The following BRINP2 variants were observed in gnomAD, a reference collection of about 807,000 sequenced individuals.
BRINP2 encodes the protein BMP/retinoic acid inducible neural specific 2, also known as BMP/retinoic acid-inducible neural-specific protein 2.
In BRINP2, 21 loss-of-function variants were observed where a neutral mutation model predicts 69.2. The observed-to-expected ratio is 0.30, with a 90% confidence interval of 0.22 to 0.44. The LOEUF (loss-of-function observed/expected upper bound fraction) is 0.44. Ranked by LOEUF, BRINP2 falls within the 20% of genes least tolerant of loss-of-function variation. The pLI, the probability that BRINP2 is intolerant of heterozygous loss-of-function variation, is 1.00. For missense variants in BRINP2, 877 were observed against 986.0 expected (o/e 0.89, Z 1.48); for synonymous variants, 380 against 394.1 (o/e 0.96, Z 0.42).
At chr1:177,280,163 G>A (rs1651643737) in intron 7 of BRINP2, among the ~76,000 whole-genome samples, 1 of 152,220 alleles carries the variant, frequency 6.6e-6, no homozygotes, top group South Asian at 2.1e-4. Flanking sequence ...TGGGAGAGAT[G>A]AGCCTTGTTG....
chr1:177,228,848 G>A (rs1232907020), intron 1 of BRINP2, among the ~76,000 whole-genome samples: 4 of 152,200 alleles, frequency 2.6e-5, no homozygotes, highest in Non-Finnish European at 5.9e-5. Context: ...GAGACCTGTG[G>A]TGAGTCACAA....
chr1:177,281,696 T>C lies in BRINP2; in HGVS notation c.*168T>C, dbSNP rs1275285483. ...CTGAAGCAGGCGAGAGAGAAACAGCTACTGCGTGCGTGCGCGCACGCATAC... is the reference window on the plus strand; with the variant it reads ...CTGAAGCAGGCGAGAGAGAAACAGCCACTGCGTGCGTGCGCGCACGCATAC... On this transcript the variant is annotated 3_prime_UTR_variant, in exon 8 of 8. Coordinates refer to ENST00000361539, the MANE Select transcript of BRINP2 (RefSeq NM_021165.4). 2 of 841,260 alleles carry C rather than the reference T, an allele frequency of 2.4e-6. No individual in the cohort carries two copies. The highest frequency in any genetic ancestry group is 3.6e-6 in the Non-Finnish European group (2 of 552,544). 52.1% of individuals were successfully genotyped at this position (841,260 alleles called of 1,614,324 possible). A position where few individuals can be genotyped will look rare whatever the true frequency, so the allele number is the denominator to read the frequency against.
chr1:177,238,604 G>T (rs926318), intron 2 of BRINP2, among the ~76,000 whole-genome samples: 5 of 151,880 alleles, frequency 3.3e-5, no homozygotes, highest in Admixed American at 2.6e-4. Context: ...TGTGAGCTGG[G>T]GTCTCAATCC....
rs1489744034 is a variant in BRINP2 at position 177,197,128 on chromosome 1, A to AG, written c.-77+25396_-77+25397insG. Among the ~76,000 whole-genome samples the AG allele has an allele frequency of 2.8e-4, 43 of 152,204 alleles. 1 individual carries two copies. Among genetic ancestry groups the AG allele is most frequent in the Admixed American group, 2.8e-3 (43 of 15,276 alleles). Reference sequence around the variant, plus strand: ...TATAAAGAAAAGAAGTTTAAAAAAAATTGGCTCACAGTTTTGCAGGCTGGA... The same window carrying AG: ...TATAAAGAAAAGAAGTTTAAAAAAAAGTTGGCTCACAGTTTTGCAGGCTGGA... On this transcript the variant is annotated intron_variant, in intron 1 of 7. Coordinates refer to ENST00000361539, the MANE Select transcript of BRINP2 (RefSeq NM_021165.4).
At chr1:177,216,307 A>G (rs1649374559) in intron 1 of BRINP2, among the ~76,000 whole-genome samples, 1 of 152,092 alleles carries the variant, frequency 6.6e-6, no homozygotes, top group African/African-American at 2.4e-5. Context: ...TGAGGCTTAC[A>G]TAGAACATGT....
intron 1 of BRINP2, among the ~76,000 whole-genome samples, chr1:177,228,033 G>A (rs1023670602): frequency 1.6e-4 from 24 of 152,108 alleles, no homozygotes; most frequent in African/African-American, 5.6e-4. Flanking sequence ...CTTTATCAAG[G>A]TCTGGTCATG....
At chr1:177,245,038 TGATTC>T (rs1213299321) in intron 2 of BRINP2, among the ~76,000 whole-genome samples, 1 of 152,124 alleles carries the variant, frequency 6.6e-6, no homozygotes, top group African/African-American at 2.4e-5. Flanking sequence ...GCGAGAATGA[TGATTC>T]AATCAACCAC....
In BRINP2 at chr1:177,221,778, C is replaced by T. The variant is rs186773557; in HGVS notation, c.-76-8023C>T. 9.2e-5 allele frequency among the ~76,000 whole-genome samples: 14 copies of T among 152,202 alleles called. No homozygotes were observed. In the East Asian group the frequency reaches 9.7e-4, roughly 10 times the overall value. ...ATCCCTTCTCCCCAGTTCCAGGACA[C>T]GATCAGGTGGAAATTAACCAGGGAA... On this transcript the variant is annotated intron_variant, in intron 1 of 7. Coordinates refer to ENST00000361539, the MANE Select transcript of BRINP2 (RefSeq NM_021165.4).
chr1:177,175,893 T>G (rs1648074337), intron 1 of BRINP2, among the ~76,000 whole-genome samples: 1 of 152,184 alleles, frequency 6.6e-6, no homozygotes, highest in Admixed American at 6.5e-5. Context: ...GTTTGGGGGC[T>G]GAGGTAGAGA....
Position 177,280,575 on chromosome 1 carries a change from G to T in BRINP2, c.1399G>T (p.Ala467Ser). Residue 467 changes from alanine to serine, a missense_variant, in exon 8 of 8, where the codon GCC (alanine) becomes TCC (serine). By Grantham distance (99) the Ala-to-Ser change is moderately conservative (BLOSUM62 1). This residue lies in a region of BRINP2 where 566 missense variants were observed against 625.2 expected (regional missense o/e 0.91). Transcript: ENST00000361539. ...PCALGEGPAC[A>S]HCAPDNSTRC... ...TGCCTTGGGCGAAGGGCCCGCGTGTGCCCACTGTGCTCCAGACAATAGCAC... is the reference window on the plus strand; with the variant it reads ...TGCCTTGGGCGAAGGGCCCGCGTGTTCCCACTGTGCTCCAGACAATAGCAC... 5 of 1,614,160 alleles carry T rather than the reference G, an allele frequency of 3.1e-6. No homozygotes were observed. The highest frequency in any genetic ancestry group is 4.2e-6 in the Non-Finnish European group (5 of 1,180,012).
Position 177,190,078 on chromosome 1 carries a change from G to A in BRINP2, c.-77+18346G>A, listed in dbSNP as rs545656751. Among the ~76,000 whole-genome samples, 129 of 152,214 alleles carry A rather than the reference G, an allele frequency of 8.5e-4. 1 individual carries two copies. Among genetic ancestry groups the A allele is most frequent in the Non-Finnish European group, 1.7e-3 (114 of 68,024 alleles). Reference sequence around the variant, plus strand: ...ATGGACAGGGCCTGATAAAATTCAAGCTTCCTCAGAATACCCTCATCTTTT... The same window carrying A: ...ATGGACAGGGCCTGATAAAATTCAAACTTCCTCAGAATACCCTCATCTTTT... On this transcript the variant is annotated intron_variant, in intron 1 of 7. Transcript: ENST00000361539.
intron 2 of BRINP2, among the ~76,000 whole-genome samples, chr1:177,232,839 T>C (rs577745198): frequency 4.6e-4 from 70 of 152,142 alleles, no homozygotes; most frequent in African/African-American, 1.7e-3. Flanking sequence ...ATACTGGGTC[T>C]CAAACAGAAT....
intron 1 of BRINP2, among the ~76,000 whole-genome samples, chr1:177,212,787 C>G (rs908714597): frequency 6.6e-6 from 1 of 152,116 alleles, no homozygotes; most frequent in Non-Finnish European, 1.5e-5. Flanking sequence ...AAAAAATGTT[C>G]CAGGCTCATA....
At chr1:177,262,722 T>G (rs1417074418) in intron 4 of BRINP2, among the ~76,000 whole-genome samples, 1 of 152,172 alleles carries the variant, frequency 6.6e-6, no homozygotes, top group African/African-American at 2.4e-5. Flanking sequence ...ATTGGCTTCT[T>G]CTTCTTGATT....
chr1:177,203,177 G>A (rs1232276297), intron 1 of BRINP2, among the ~76,000 whole-genome samples: 2 of 152,134 alleles, frequency 1.3e-5, no homozygotes, highest in Non-Finnish European at 2.9e-5. Context: ...GTCCTTTGTA[G>A]GGACGTGGAT....
At chr1:177,262,542 G>T (rs1281812229) in intron 4 of BRINP2, among the ~76,000 whole-genome samples, 3 of 151,040 alleles carry the variant, frequency 2.0e-5, no homozygotes, top group Admixed American at 2.0e-4. Context: ...TAGAGAGGGA[G>T]AAAGTGATGA....
chr1:177,273,602 C>G lies in BRINP2; in HGVS notation c.775+9C>G. 1 of 1,534,594 alleles carries G rather than the reference C, an allele frequency of 6.5e-7. No homozygotes were observed. Among genetic ancestry groups the G allele is most frequent in the Non-Finnish European group, 8.8e-7 (1 of 1,130,582 alleles). Reference sequence around the variant, plus strand: ...CAAAGTACAGTTACTTGGTAAGCAGCACTATGATGGTTTTCATACCTTTCA... The same window carrying G: ...CAAAGTACAGTTACTTGGTAAGCAGGACTATGATGGTTTTCATACCTTTCA... On this transcript the variant is annotated intron_variant, in intron 5 of 7. Coordinates refer to ENST00000361539, the MANE Select transcript of BRINP2 (RefSeq NM_021165.4).
At position 177,281,494 on chromosome 1, in the gene BRINP2, C is replaced by T. The variant is rs1651700667; in HGVS notation, c.2318C>T (p.Pro773Leu). Residue 773 changes from proline to leucine, a missense_variant, in exon 8 of 8, where the codon CCT becomes CTT. Physicochemically the swap from Pro to Leu is moderately conservative, Grantham distance 98 (BLOSUM62 -3). Around this residue, in one of 3 missense-constraint regions of BRINP2, gnomAD observed 225 missense variants for 218.7 expected, o/e 1.03. Transcript: ENST00000361539. ...GCTTTCAATTCTAAGCTGCCAAACC[C>T]TGTGGAATATGAGACCGGCAAACTC... ...LRAFNSKLPNPVEYETGKLCS is the reference protein window; with the variant it reads ...LRAFNSKLPNLVEYETGKLCS The T allele has an allele frequency of 5.6e-6, 9 of 1,610,688 alleles. No individual in the cohort carries two copies. The highest frequency in any genetic ancestry group is 1.7e-5 in the Admixed American group (1 of 59,944).
intron 1 of BRINP2, among the ~76,000 whole-genome samples, chr1:177,213,519 TA>T (rs961534353): frequency 1.3e-5 from 2 of 152,260 alleles, no homozygotes; most frequent in African/African-American, 4.8e-5. Context: ...ATTTGATTTT[TA>T]AAATACTGAA....
Sources: allele counts gnomAD v4.1 joint callset (sites outside exome capture counted in the v4.1 genomes callset), GRCh38; gene constraint gnomAD v4.1.1; regional missense constraint gnomAD v4.1.1; transcripts MANE v1.5; gene names NCBI Gene and HGNC (gene_info 2026-07-23, HGNC 2026-07-21).